PKP4: variants seen among roughly 807,000 people sequenced by gnomAD.
PKP4 encodes the protein plakophilin 4.
A neutral mutation model predicts 145.1 loss-of-function variants in PKP4; 90 were observed. The ratio of observed to expected loss-of-function variants is 0.62; its 90% confidence interval spans 0.52 to 0.74. The LOEUF is 0.74. Among genes scored for constraint, PKP4 ranks in the 30% least tolerant of loss-of-function variants. PKP4 has a pLI of 0.00. For synonymous variants in PKP4, 563 were observed against 577.2 expected, an observed-to-expected ratio of 0.98 and a Z score of 0.35; for missense variants, 1,340 against 1,482.7, an observed-to-expected ratio of 0.90 and a Z score of 1.58.
chr2:158,670,127 G>A (rs1057190440), intron 17 of PKP4, among the ~76,000 whole-genome samples: 9 of 152,162 alleles, frequency 5.9e-5, no homozygotes, highest in African/African-American at 2.2e-4. Flanking sequence ...TCACTTTATT[G>A]TAACACCCTC....
chr2:158,603,182 G>A, intron 4 of PKP4, 78 bp downstream of exon 4: 1 of 776,960 alleles, frequency 1.3e-6, no homozygotes. Flanking sequence ...ACTATCTCTT[G>A]GTGAAATAAG....
chr2:158,505,477 G>T (rs1456849494), intron 1 of PKP4, among the ~76,000 whole-genome samples: 2 of 152,146 alleles, frequency 1.3e-5, no homozygotes, highest in Non-Finnish European at 2.9e-5. Flanking sequence ...CGAGGCCCAG[G>T]TTTTTCCTCC....
At chr2:158,651,130 A>G (rs1188640942) in intron 11 of PKP4, among the ~76,000 whole-genome samples, 1 of 152,086 alleles carries the variant, frequency 6.6e-6, no homozygotes, top group Non-Finnish European at 1.5e-5. Flanking sequence ...TTTTCCCACT[A>G]TTTCAGTTTC....
intron 3 of PKP4, among the ~76,000 whole-genome samples, chr2:158,591,962 A>G (rs1370318320): frequency 6.6e-6 from 1 of 152,088 alleles, no homozygotes; most frequent in Non-Finnish European, 1.5e-5. Flanking sequence ...AAAGCTAGAA[A>G]TTTAAGGCAG....
chr2:158,679,414 T>G (rs193097370), intron 21 of PKP4: 2 of 152,344 alleles, frequency 1.3e-5, no homozygotes, highest in East Asian at 3.9e-4. Flanking sequence ...AAAAGAACTT[T>G]CCAAGTTATT....
At chr2:158,464,257 A>T (rs1006174474) in intron 1 of PKP4, among the ~76,000 whole-genome samples, 3 of 152,242 alleles carry the variant, frequency 2.0e-5, no homozygotes, top group African/African-American at 7.2e-5. Context: ...CTTTAGGTTC[A>T]TAGGGAACTC....
intron 4 of PKP4, among the ~76,000 whole-genome samples, chr2:158,616,177 A>G (rs1323036060): frequency 6.6e-6 from 1 of 152,196 alleles, no homozygotes; most frequent in Non-Finnish European, 1.5e-5. Context: ...GTCACCCTGA[A>G]ACAACATTTC....
chr2:158,464,651 TGAA>T (rs1017966722), intron 1 of PKP4, among the ~76,000 whole-genome samples: 6 of 152,228 alleles, frequency 3.9e-5, no homozygotes, highest in African/African-American at 9.6e-5. Flanking sequence ...AATAAACCCT[TGAA>T]GAACTGGCTG....
At chr2:158,489,406 C>T (rs1694627056) in intron 1 of PKP4, among the ~76,000 whole-genome samples, 1 of 152,178 alleles carries the variant, frequency 6.6e-6, no homozygotes, top group South Asian at 2.1e-4. Context: ...ATCAATAACC[C>T]TTCTCAGAAT....
chr2:158,584,855 A>G (rs920744343), intron 3 of PKP4, among the ~76,000 whole-genome samples: 1 of 152,154 alleles, frequency 6.6e-6, no homozygotes, highest in Non-Finnish European at 1.5e-5. Context: ...TTGGTTATCT[A>G]TTCTTTGTTT....
chr2:158,655,897 T>C (rs2055866285), intron 11 of PKP4, among the ~76,000 whole-genome samples: 1 of 152,214 alleles, frequency 6.6e-6, no homozygotes, highest in Non-Finnish European at 1.5e-5. Flanking sequence ...TTAAAGCCCA[T>C]GTTAGTGACA....
chr2:158,535,565 G>A (rs776161285), intron 2 of PKP4, among the ~76,000 whole-genome samples: 8 of 152,000 alleles, frequency 5.3e-5, no homozygotes, highest in South Asian at 2.1e-4. Flanking sequence ...GTGTGCTACC[G>A]TGCCCAGCTA....
chr2:158,565,421 CTTCTTCT>C (rs929859452), intron 2 of PKP4, among the ~76,000 whole-genome samples: 1 of 138,820 alleles, frequency 7.2e-6, no homozygotes, highest in African/African-American at 2.6e-5. Flanking sequence ...ACTTCTTTTT[CTTCTTCT>C]TTTTTCCTTT....
chr2:158,652,496 T>C (rs771181533), intron 11 of PKP4, among the ~76,000 whole-genome samples: 5 of 152,124 alleles, frequency 3.3e-5, no homozygotes, highest in African/African-American at 9.7e-5. Flanking sequence ...GGCAGCTGCA[T>C]AGAGAAAGAA....
At chr2:158,458,603 A>G (rs777746053) in intron 1 of PKP4, among the ~76,000 whole-genome samples, 3 of 152,206 alleles carry the variant, frequency 2.0e-5, no homozygotes, top group Non-Finnish European at 4.4e-5. Context: ...TGCAGCCAAC[A>G]TATTTTAGCT....
At position 158,658,140 on chromosome 2, in the gene PKP4, G is replaced by T; in HGVS notation, c.1919G>T (p.Trp640Leu). 1.3e-6 allele frequency: 2 copies of T among 1,583,270 alleles called. No individual in the cohort carries two copies. The highest frequency in any genetic ancestry group is 1.7e-6 in the Non-Finnish European group (2 of 1,159,346). ...AAATCTCCTTTTTTAGGAGTTCTTT[G>T]GAATTTATCCTCATGTGATGCTGTA... ...EVRELVTGVL[W>L]NLSSCDAVKM... The change falls in exon 12 of 22, where the codon TGG becomes TTG. Residue 640 changes from tryptophan to leucine, a missense_variant. Coordinates refer to ENST00000389759, the MANE Select transcript of PKP4 (RefSeq NM_003628.6).
chr2:158,603,160 C>T, intron 4 of PKP4, 56 bp downstream of exon 4: 3 of 914,596 alleles, frequency 3.3e-6, no homozygotes, highest in Non-Finnish European at 5.0e-6. Flanking sequence ...ACATAGCCTA[C>T]TCTCTTAACT....
chr2:158,548,641 T>A (rs2045306823), intron 2 of PKP4: 1 of 178,174 alleles, frequency 5.6e-6, no homozygotes, highest in Admixed American at 6.3e-5. Flanking sequence ...CTGTCCTCTA[T>A]CCAGAGCTGA....
intron 7 of PKP4, among the ~76,000 whole-genome samples, chr2:158,627,981 TA>T (rs1343245810): frequency 7.9e-5 from 12 of 151,370 alleles, no homozygotes; most frequent in Admixed American, 7.2e-4. Flanking sequence ...TATTTATTTT[TA>T]TTTTTTTATT....
Sources: gnomAD v4.1 joint callset for allele counts (sites outside exome capture counted in the v4.1 genomes callset) on GRCh38, gnomAD v4.1.1 for gene constraint, MANE v1.5 for transcripts, NCBI Gene and HGNC (gene_info 2026-07-23, HGNC 2026-07-21) for gene names.